NXPH2: variants seen among roughly 807,000 people sequenced by gnomAD.
The protein encoded by NXPH2 is neurexophilin-2.
Under a neutral mutation model 19.8 loss-of-function variants are expected in NXPH2, and 5 were observed. The ratio of observed to expected loss-of-function variants is 0.25; its 90% CI spans 0.13 to 0.53. The LOEUF is 0.53. Among genes scored for constraint, NXPH2 ranks in the 20% least tolerant of loss-of-function variants. The pLI is 0.96. For missense variants in NXPH2, 289 were observed against 322.8 expected, an observed-to-expected ratio of 0.90 and a Z score of 0.80; for synonymous variants, 154 against 127.4, an observed-to-expected ratio of 1.21 and a Z score of -1.41.
intron 1 of NXPH2, among the ~76,000 whole-genome samples, chr2:138,714,345 T>C (rs1437737195): frequency 6.6e-6 from 1 of 152,200 alleles, no homozygotes; most frequent in Non-Finnish European, 1.5e-5. Context: ...TCCACAAATA[T>C]TTATTAAGCT....
intron 1 of NXPH2, among the ~76,000 whole-genome samples, chr2:138,681,025 C>T (rs969414554): frequency 1.3e-5 from 2 of 152,322 alleles, no homozygotes; most frequent in Admixed American, 1.3e-4. Context: ...GTGATGACCT[C>T]AGCAGGCCTG....
At chr2:138,684,641 C>T (rs1227669897) in intron 1 of NXPH2, among the ~76,000 whole-genome samples, 1 of 152,166 alleles carries the variant, frequency 6.6e-6, no homozygotes, top group African/African-American at 2.4e-5. Flanking sequence ...ATCTAGACCT[C>T]CCTAAATCCT....
intron 1 of NXPH2, among the ~76,000 whole-genome samples, chr2:138,699,936 G>A (rs760681820): frequency 1.3e-5 from 2 of 152,176 alleles, no homozygotes; most frequent in Non-Finnish European, 2.9e-5. Flanking sequence ...CTCAATGCAC[G>A]TTCAATGTAA....
chr2:138,725,906 T>C (rs893683394), intron 1 of NXPH2, among the ~76,000 whole-genome samples: 4 of 152,208 alleles, frequency 2.6e-5, no homozygotes, highest in African/African-American at 9.6e-5. Flanking sequence ...TATATTCTTG[T>C]TTCAGGATGT....
At chr2:138,719,456 T>C (rs906485917) in intron 1 of NXPH2, among the ~76,000 whole-genome samples, 1 of 152,236 alleles carries the variant, frequency 6.6e-6, no homozygotes, top group Non-Finnish European at 1.5e-5. Context: ...GTAAATATAA[T>C]ACATAATATG....
At chr2:138,723,107 A>G (rs1163547489) in intron 1 of NXPH2, among the ~76,000 whole-genome samples, 3 of 152,198 alleles carry the variant, frequency 2.0e-5, no homozygotes, top group Non-Finnish European at 2.9e-5. Context: ...AACAAGACTG[A>G]GGAGATTTAC....
At chr2:138,731,668 C>T (rs1363291283) in intron 1 of NXPH2, among the ~76,000 whole-genome samples, 2 of 152,036 alleles carry the variant, frequency 1.3e-5, no homozygotes, top group Non-Finnish European at 2.9e-5. Context: ...GATAGATCTT[C>T]TAAAGACTGG....
intron 1 of NXPH2, among the ~76,000 whole-genome samples, chr2:138,755,227 G>T (rs1029696936): frequency 6.6e-6 from 1 of 151,678 alleles, no homozygotes; most frequent in Non-Finnish European, 1.5e-5. Context: ...TTTTTCTTTC[G>T]CAAAGTGTGC....
intron 1 of NXPH2, among the ~76,000 whole-genome samples, chr2:138,722,733 G>A (rs1473873028): frequency 6.6e-6 from 1 of 152,232 alleles, no homozygotes; most frequent in East Asian, 1.9e-4. Context: ...AGGTGGTGCT[G>A]ATAGCATGTG....
At chr2:138,714,819 A>C (rs543989145) in intron 1 of NXPH2, among the ~76,000 whole-genome samples, 139 of 152,352 alleles carry the variant, frequency 9.1e-4, no homozygotes, top group Non-Finnish European at 1.6e-3. Context: ...CTATGTACCT[A>C]AACAACTTGA....
At chr2:138,734,143 G>A (rs1681497937) in intron 1 of NXPH2, among the ~76,000 whole-genome samples, 1 of 152,148 alleles carries the variant, frequency 6.6e-6, no homozygotes, top group African/African-American at 2.4e-5. Context: ...TACTCAGGAG[G>A]TTGAGGCAGG....
intron 1 of NXPH2, among the ~76,000 whole-genome samples, chr2:138,762,447 A>G (rs1682031844): frequency 6.6e-6 from 1 of 152,236 alleles, no homozygotes; most frequent in African/African-American, 2.4e-5. Context: ...TATCTTGGGC[A>G]CAGTTGTTTT....
At chr2:138,738,988 A>C (rs1403429317) in intron 1 of NXPH2, among the ~76,000 whole-genome samples, 5 of 152,202 alleles carry the variant, frequency 3.3e-5, no homozygotes, top group Non-Finnish European at 7.3e-5. Context: ...ATAATTAACG[A>C]AGTCCTGGGA....
At chr2:138,753,871 G>T (rs1411207940) in intron 1 of NXPH2, among the ~76,000 whole-genome samples, 2 of 152,116 alleles carry the variant, frequency 1.3e-5, no homozygotes, top group Admixed American at 6.5e-5. Context: ...ATTAACTAGA[G>T]TACAGTGCTT....
intron 1 of NXPH2, among the ~76,000 whole-genome samples, chr2:138,737,597 T>C (rs2105003943): frequency 6.6e-6 from 1 of 152,280 alleles, no homozygotes; most frequent in Middle Eastern, 3.4e-3. Context: ...TACCCACACA[T>C]TTTCACATTT....
At chr2:138,732,697 CTGCCAAT>C (rs1262025423) in intron 1 of NXPH2, among the ~76,000 whole-genome samples, 1 of 152,080 alleles carries the variant, frequency 6.6e-6, no homozygotes, top group Non-Finnish European at 1.5e-5. Context: ...AATGTTCCTC[CTGCCAAT>C]ATTCTGATTC....
chr2:138,778,995 C>T (rs562310991), intron 1 of NXPH2, among the ~76,000 whole-genome samples: 1 of 152,314 alleles, frequency 6.6e-6, no homozygotes, highest in South Asian at 2.1e-4. Context: ...TTTTAGAGTT[C>T]CTTCCACCCT....
chr2:138,694,073 C>T (rs73961507), intron 1 of NXPH2, among the ~76,000 whole-genome samples: 4,397 of 152,094 alleles, frequency 0.029, 205 homozygotes, highest in African/African-American at 0.1. Context: ...ATTATATGAT[C>T]GAAGACTTTC....
chr2:138,686,356 A>G (rs1680651105), intron 1 of NXPH2, among the ~76,000 whole-genome samples: 1 of 152,142 alleles, frequency 6.6e-6, no homozygotes, highest in South Asian at 2.1e-4. Flanking sequence ...GATGATTCAG[A>G]CCACAGGAAG....
Sources: gnomAD v4.1 joint callset for allele counts (sites outside exome capture counted in the v4.1 genomes callset) on GRCh38, gnomAD v4.1.1 for gene constraint, MANE v1.5 for transcripts, NCBI Gene and HGNC (gene_info 2026-07-23, HGNC 2026-07-21) for gene names.